The following SCAPER variants were observed in gnomAD, a reference collection of about 807,000 sequenced individuals.
The protein encoded by SCAPER is S phase cyclin A-associated protein in the endoplasmic reticulum.
A neutral mutation model predicts 182.2 loss-of-function variants in SCAPER; 98 were observed. The ratio of observed to expected loss-of-function variants is 0.54; its 90% CI spans 0.46 to 0.64. SCAPER has a LOEUF of 0.64. SCAPER is among the 30% of genes least tolerant of loss of function. The probability of loss-of-function intolerance (pLI) is 0.00; values close to 1 mark genes in which losing one functional copy is unlikely to be tolerated. For synonymous variants in SCAPER, 605 were observed against 564.6 expected, an observed-to-expected ratio of 1.07 and a Z score of -1.01; for missense variants, 1,432 against 1,690.0, an observed-to-expected ratio of 0.85 and a Z score of 2.68.
In SCAPER at chr15:76,604,501, C is replaced by T. The variant is rs1453364462; in HGVS notation, c.2711+17263G>A. Among the ~76,000 whole-genome samples the T allele has an allele frequency of 7.5e-5, 9 of 120,474 alleles. 3 individuals are homozygous for T. Among genetic ancestry groups the T allele is most frequent in the Non-Finnish European group, 1.4e-4 (7 of 49,756 alleles). The allele number at this position is 120,474 out of a possible 152,430, so 79.0% of individuals were successfully genotyped here. On this transcript the variant is annotated intron_variant, in intron 22 of 31. Coordinates refer to ENST00000563290, the MANE Select transcript of SCAPER (RefSeq NM_020843.4). ...TTCTTTTGCCTTAGGATTGACTTGG[C>T]GATGCGGGCTCTTTTTTGGTTCCAT...
Position 76,680,429 on chromosome 15 carries a change from A to G in SCAPER, c.2509-14640T>C, listed in dbSNP as rs951517732. On this transcript the variant is annotated intron_variant, in intron 20 of 31. Transcript: ENST00000563290. ...TGATGATGATAATAATAATAATAAT[A>G]ATAATAATAATAATAATAATAATAC... 1.6e-4 allele frequency among the ~76,000 whole-genome samples: 24 copies of G among 149,386 alleles called. 1 individual carries two copies. The highest frequency in any genetic ancestry group is 4.4e-4 in the African/African-American group (18 of 40,844).
Position 76,723,401 on chromosome 15 carries a change from T to C in SCAPER, c.2165+5194A>G, listed in dbSNP as rs565152548. Among the ~76,000 whole-genome samples, 17 of 152,258 alleles carry C rather than the reference T, an allele frequency of 1.1e-4. No individual in the cohort carries two copies. The East Asian group carries it at 2.9e-3, about 26-fold the overall frequency. On this transcript the variant is annotated intron_variant, in intron 17 of 31. Coordinates refer to ENST00000563290, the MANE Select transcript of SCAPER (RefSeq NM_020843.4). ...GGTGTGGTGTGCTGAAAAGAATGTA[T>C]ATTGTGTTGATTTGGGGTGGAGAGT... is the stretch of plus-strand genomic sequence containing the variant.
intron 23 of SCAPER, among the ~76,000 whole-genome samples, chr15:76,530,620 G>A (rs1056173771): frequency 2.0e-5 from 3 of 152,142 alleles, no homozygotes; most frequent in Non-Finnish European, 2.9e-5. Flanking sequence ...CCAAACAACT[G>A]AATTTGATGA....
chr15:76,553,116 C>T (rs1453621456), intron 23 of SCAPER, among the ~76,000 whole-genome samples: 5 of 152,214 alleles, frequency 3.3e-5, no homozygotes, highest in African/African-American at 4.8e-5. Flanking sequence ...GCTATGCTGG[C>T]TATGGGTGTG....
At chr15:76,668,978 ATT>A (rs2056820837) in intron 20 of SCAPER, among the ~76,000 whole-genome samples, 1 of 152,206 alleles carries the variant, frequency 6.6e-6, no homozygotes, top group South Asian at 2.1e-4. Flanking sequence ...TATTATCCTC[ATT>A]TTAACTATGA....
chr15:76,637,045 T>A (rs1156802815), intron 21 of SCAPER, among the ~76,000 whole-genome samples: 1 of 152,082 alleles, frequency 6.6e-6, no homozygotes, highest in African/African-American at 2.4e-5. Context: ...TTAAAATGTA[T>A]AATATAATGT....
chr15:76,534,635 T>C (rs1385098693), intron 23 of SCAPER, among the ~76,000 whole-genome samples: 1 of 152,224 alleles, frequency 6.6e-6, no homozygotes, highest in Non-Finnish European at 1.5e-5. Context: ...TGAATCCCAT[T>C]CTTTCATTTC....
At chr15:76,385,464 T>C (rs542778458) in intron 27 of SCAPER, among the ~76,000 whole-genome samples, 11 of 152,296 alleles carry the variant, frequency 7.2e-5, no homozygotes, top group African/African-American at 2.6e-4. Context: ...TGAGGGATCT[T>C]GTGAGAACAT....
At chr15:76,896,806 C>T (rs574137424) in intron 1 of SCAPER, among the ~76,000 whole-genome samples, 39 of 152,048 alleles carry the variant, frequency 2.6e-4, no homozygotes, top group African/African-American at 4.6e-4. Context: ...AATAGCCAGG[C>T]GTGGTGGCAC....
chr15:76,690,603 A>G (rs913933657), intron 20 of SCAPER, among the ~76,000 whole-genome samples: 3 of 152,164 alleles, frequency 2.0e-5, no homozygotes, highest in Admixed American at 6.5e-5. Flanking sequence ...AAACTGTGCA[A>G]AGGGTATATA....
chr15:76,823,146 T>TA (rs1257202175), intron 5 of SCAPER, among the ~76,000 whole-genome samples: 1 of 152,214 alleles, frequency 6.6e-6, no homozygotes, highest in African/African-American at 2.4e-5. Context: ...ATTTTTCACT[T>TA]ATAAGTGTTT....
chr15:76,615,871 T>C (rs2051440158), intron 22 of SCAPER, among the ~76,000 whole-genome samples: 1 of 148,024 alleles, frequency 6.8e-6, no homozygotes, highest in Admixed American at 6.7e-5. Context: ...CACGAAAAGA[T>C]GTCCAACATC....
intron 15 of SCAPER, among the ~76,000 whole-genome samples, chr15:76,741,156 C>A (rs1246309779): frequency 6.6e-6 from 1 of 152,016 alleles, no homozygotes; most frequent in Admixed American, 6.6e-5. Context: ...CATCTTACTA[C>A]GAAGTATCAT....
chr15:76,792,461 C>G, intron 8 of SCAPER, among the ~76,000 whole-genome samples: 1 of 152,190 alleles, frequency 6.6e-6, no homozygotes, highest in South Asian at 2.1e-4. Context: ...TTACATGCCA[C>G]TCCCATTGTT....
At chr15:76,740,734 C>G (rs763807750) in intron 15 of SCAPER, among the ~76,000 whole-genome samples, 2 of 151,858 alleles carry the variant, frequency 1.3e-5, no homozygotes, top group African/African-American at 2.4e-5. Flanking sequence ...TCCAGCAAAC[C>G]AAAAGATAAA....
intron 23 of SCAPER, among the ~76,000 whole-genome samples, chr15:76,570,722 C>T (rs984940585): frequency 2.6e-5 from 4 of 152,078 alleles, no homozygotes; most frequent in Admixed American, 2.0e-4. Flanking sequence ...GGCTACTTGT[C>T]CTTGTAAAAT....
chr15:76,688,060 G>T (rs890901138), intron 20 of SCAPER, among the ~76,000 whole-genome samples: 4 of 152,178 alleles, frequency 2.6e-5, no homozygotes, highest in African/African-American at 9.7e-5. Flanking sequence ...CCCACCAACA[G>T]CGTAAAAGCA....
Position 76,766,964 on chromosome 15 carries a change from T to C in SCAPER, c.1373A>G (p.Glu458Gly), listed in dbSNP as rs750172518. ...AGTTTCAATGTTAATATCATTGTTT[T>C]CTTCAGCTTCAATTTCTCTAGTTAA... is the stretch of plus-strand genomic sequence containing the variant. The part of the protein sequence containing the change: ...EQLTREIEAE[E>G]NNDINIETDN... The change falls in exon 11 of 32, where the codon GAA becomes GGA. Residue 458 changes from glutamate to glycine, a missense_variant. Transcript: ENST00000563290. 6 of 1,609,134 alleles carry C rather than the reference T, an allele frequency of 3.7e-6. No homozygotes were observed. Among genetic ancestry groups the C allele is most frequent in the Non-Finnish European group, 4.2e-6 (5 of 1,178,030 alleles).
intron 23 of SCAPER, among the ~76,000 whole-genome samples, chr15:76,562,751 C>T (rs893834922): frequency 3.9e-5 from 6 of 152,116 alleles, no homozygotes. Context: ...TGTTATGACC[C>T]AGGAACTCTG....
Sources: gnomAD v4.1 joint callset for allele counts (sites outside exome capture counted in the v4.1 genomes callset) on GRCh38, gnomAD v4.1.1 for gene constraint, MANE v1.5 for transcripts, NCBI Gene and HGNC (gene_info 2026-07-23, HGNC 2026-07-21) for gene names.